LIMS1: variants seen among roughly 807,000 people sequenced by gnomAD.
The protein encoded by LIMS1 is LIM zinc finger domain containing 1.
LIMS1 carries 18 observed loss-of-function variants against 44.1 expected under a neutral mutation model. The observed-to-expected ratio is 0.41, with a 90% CI of 0.28 to 0.61. The LOEUF is 0.61. Among genes scored for constraint, LIMS1 ranks in the 20% least tolerant of loss-of-function variants. LIMS1 has a pLI of 0.32. For synonymous variants in LIMS1, 93 were observed against 149.1 expected (o/e 0.62, Z 2.74); for missense variants, 201 against 422.0 (o/e 0.48, Z 4.59).
intron 1 of LIMS1, among the ~76,000 whole-genome samples, chr2:108,577,496 G>C (rs1393465262): frequency 6.6e-6 from 1 of 152,092 alleles, no homozygotes; most frequent in Non-Finnish European, 1.5e-5. Flanking sequence ...GTAGTCATTG[G>C]GTAAATATTC....
rs768206719 is a variant in LIMS1 at position 108,558,199 on chromosome 2, C to T, written c.32+23605C>T. ...TTGTAGTATCGGTTATATCAGCCCACCTGAAGATTTGTGCATTTTTTTCTT... is the reference window on the plus strand; with the variant it reads ...TTGTAGTATCGGTTATATCAGCCCATCTGAAGATTTGTGCATTTTTTTCTT... On this transcript the variant is annotated intron_variant, in intron 1 of 9. Transcript: ENST00000544547. Among the ~76,000 whole-genome samples the T allele has an allele frequency of 2.0e-5, 3 of 151,032 alleles. No homozygotes were observed. In the East Asian group the frequency reaches 6.0e-4, roughly 30 times the overall value.
intron 5 of LIMS1, among the ~76,000 whole-genome samples, chr2:108,675,069 C>T (rs183729792): frequency 2.6e-5 from 4 of 152,100 alleles, no homozygotes; most frequent in South Asian, 2.1e-4. Context: ...CTATTTTCAA[C>T]AGCTTGTGAC....
intron 1 of LIMS1, among the ~76,000 whole-genome samples, chr2:108,656,466 A>G (rs1166133324): frequency 2.0e-5 from 3 of 152,230 alleles, no homozygotes; most frequent in Admixed American, 2.0e-4. Flanking sequence ...GTCACTAATG[A>G]CTTTTTTAAA....
intron 5 of LIMS1, chr2:108,673,419 G>A (rs562025611): frequency 1.2e-4 from 36 of 289,454 alleles, no homozygotes; most frequent in South Asian, 1.0e-3. Flanking sequence ...GGTCTCTCTC[G>A]CTCTATTGCC....
intron 1 of LIMS1, among the ~76,000 whole-genome samples, chr2:108,648,923 G>A (rs193031934): frequency 2.0e-4 from 31 of 152,270 alleles, no homozygotes; most frequent in Admixed American, 1.9e-3. Context: ...ATAGGCATGG[G>A]CAAGGACTTC....
chr2:108,537,029 T>TA (rs1274901351), intron 1 of LIMS1, among the ~76,000 whole-genome samples: 14 of 152,200 alleles, frequency 9.2e-5, no homozygotes, highest in Non-Finnish European at 1.6e-4. Flanking sequence ...CCATTTCACT[T>TA]AAAAAGTGAA....
At chr2:108,636,625 C>T (rs1024392306) in intron 1 of LIMS1, among the ~76,000 whole-genome samples, 3 of 152,156 alleles carry the variant, frequency 2.0e-5, no homozygotes, top group Admixed American at 1.3e-4. Context: ...GTGATGCCTC[C>T]TACAGGACAC....
At position 108,676,138 on chromosome 2, in the gene LIMS1, C is replaced by T. The variant is rs1316527872; in HGVS notation, c.681+110C>T. On this transcript the variant is annotated intron_variant, in intron 6 of 9. Transcript: ENST00000544547. ...TCAGGGGTAACCAGTACTTTCAAAT[C>T]TTCATGATTCAGGTGTCCTGGCAAG... The T allele has an allele frequency of 5.2e-6, 7 of 1,344,046 alleles. No homozygotes were observed. The East Asian group carries it at 1.8e-4, about 34-fold the overall frequency. 83.3% of individuals were successfully genotyped at this position (1,344,046 alleles called of 1,614,324 possible). A position where few individuals can be genotyped will look rare whatever the true frequency, so the allele number is the denominator to read the frequency against.
rs868539693 is a variant in LIMS1, at chr2:108,628,824, T to G, written c.33-30781T>G. 4.6e-5 allele frequency among the ~76,000 whole-genome samples: 7 copies of G among 152,196 alleles called. 1 individual carries two copies. The highest frequency in any genetic ancestry group is 6.3e-3 in the Middle Eastern group (2 of 316). On this transcript the variant is annotated intron_variant, in intron 1 of 9. Coordinates refer to ENST00000544547, the Ensembl canonical transcript of LIMS1. ...TAATGAGTTTTATGAAGGTTCTTGT[T>G]TTTTCTGAGACAGGGTCTTGCTCTA...
At chr2:108,585,561 A>G (rs1239071963) in intron 1 of LIMS1, among the ~76,000 whole-genome samples, 2 of 152,022 alleles carry the variant, frequency 1.3e-5, no homozygotes, top group African/African-American at 4.8e-5. Flanking sequence ...AACAGGGAGG[A>G]AGTAGTTGAG....
intron 1 of LIMS1, among the ~76,000 whole-genome samples, chr2:108,628,009 G>A (rs1418456762): frequency 3.9e-5 from 6 of 152,184 alleles, no homozygotes; most frequent in Non-Finnish European, 8.8e-5. Flanking sequence ...GTGTCAGCAG[G>A]GCCATGCCCC....
At position 108,534,371 on chromosome 2, in the gene LIMS1, C is replaced by T. The variant is rs908110845; in HGVS notation, c.-192C>T. On this transcript the variant is annotated 5_prime_UTR_variant, in exon 1 of 10. Coordinates refer to ENST00000544547, the Ensembl canonical transcript of LIMS1. Reference sequence around the variant, plus strand: ...TCCTTGCCCAGCCGCTCCCGCCCCTCCCCCGCCTTCCCGCGCGGCCCGCCT... The same window carrying T: ...TCCTTGCCCAGCCGCTCCCGCCCCTTCCCCGCCTTCCCGCGCGGCCCGCCT... The T allele has an allele frequency of 3.7e-5, 10 of 271,142 alleles. No homozygotes were observed. The South Asian group carries it at 4.9e-4, about 13-fold the overall frequency. The allele number at this position is 271,142 out of a possible 1,614,324, so 16.8% of individuals were successfully genotyped here. A position where few individuals can be genotyped will look rare whatever the true frequency, so the allele number is the denominator to read the frequency against.
chr2:108,611,567 G>C (rs17269440), intron 1 of LIMS1, among the ~76,000 whole-genome samples: 5,981 of 152,146 alleles, frequency 0.039, 154 homozygotes, highest in Non-Finnish European at 0.06. Flanking sequence ...GTTCCCTAGA[G>C]TGTTTTGATC....
In LIMS1 at chr2:108,583,819, C is replaced by T. The variant is rs537309965; in HGVS notation, c.32+49225C>T. Among the ~76,000 whole-genome samples, 4 of 150,858 alleles carry T rather than the reference C, an allele frequency of 2.7e-5. No homozygotes were observed. The Admixed American group carries it at 2.7e-4, about 10-fold the overall frequency. ...AAGCGATTGTCCTGCCTCAGCCTCC[C>T]GGGTAACTGGGACCACAGGCGCCCA... On this transcript the variant is annotated intron_variant, in intron 1 of 9. Transcript: ENST00000544547.
At chr2:108,630,283 A>C (rs1165265923) in intron 1 of LIMS1, among the ~76,000 whole-genome samples, 1 of 152,068 alleles carries the variant, frequency 6.6e-6, no homozygotes. Context: ...AGTGAAATTC[A>C]GGCATCCCTG....
At chr2:108,648,938 C>CT (rs1303101408) in intron 1 of LIMS1, among the ~76,000 whole-genome samples, 1 of 152,180 alleles carries the variant, frequency 6.6e-6, no homozygotes, top group Admixed American at 6.5e-5. Context: ...GACTTCATGT[C>CT]TAAAACACCA....
chr2:108,583,534 T>C (rs927027845), intron 1 of LIMS1, among the ~76,000 whole-genome samples: 3 of 152,140 alleles, frequency 2.0e-5, no homozygotes, highest in African/African-American at 7.2e-5. Flanking sequence ...ACTTGATAGA[T>C]TGGGTAAATC....
Position 108,589,249 on chromosome 2 carries a change from A to G in LIMS1, c.32+54655A>G, listed in dbSNP as rs111994825. 3.6e-3 allele frequency among the ~76,000 whole-genome samples: 554 copies of G among 152,260 alleles called. 1 individual carries two copies. The highest frequency in any genetic ancestry group is 0.011 in the African/African-American group (452 of 41,560). ...ATTGGCACATTTATTTATGGAGTAC[A>G]ATGTGATATTTTGGTTCATATGTAC... is the stretch of plus-strand genomic sequence containing the variant. On this transcript the variant is annotated intron_variant, in intron 1 of 9. Transcript: ENST00000544547.
chr2:108,539,733 A>T (rs943921840), intron 1 of LIMS1, among the ~76,000 whole-genome samples: 1 of 152,054 alleles, frequency 6.6e-6, no homozygotes, highest in African/African-American at 2.4e-5. Context: ...GTATGTTTTC[A>T]TTTTTAAACC....
Sources: gnomAD v4.1 joint callset for allele counts (sites outside exome capture counted in the v4.1 genomes callset) on GRCh38, gnomAD v4.1.1 for gene constraint, MANE v1.5 for transcripts, NCBI Gene and HGNC (gene_info 2026-07-23, HGNC 2026-07-21) for gene names.